MARK3: variants seen among roughly 807,000 people sequenced by gnomAD.
The protein encoded by MARK3 is MAP/microtubule affinity-regulating kinase 3.
A neutral mutation model predicts 90.1 loss-of-function variants in MARK3; 46 were observed. The observed-to-expected ratio is 0.51, with a 90% CI of 0.40 to 0.65. The LOEUF is 0.65. Among genes scored for constraint, MARK3 ranks in the 30% least tolerant of loss-of-function variants. The pLI, the probability that MARK3 is intolerant of heterozygous loss-of-function variation, is 0.00. For synonymous variants in MARK3, 321 were observed against 332.6 expected, an observed-to-expected ratio of 0.97 and a Z score of 0.38; for missense variants, 818 against 947.2, an observed-to-expected ratio of 0.86 and a Z score of 1.79.
At chr14:103,412,349 T>C (rs2091692082) in intron 2 of MARK3, 1 of 631,884 alleles carries the variant, frequency 1.6e-6, no homozygotes, top group Non-Finnish European at 2.8e-6. Flanking sequence ...CGTGTTTTCA[T>C]CGTGTGTGAG....
chr14:103,414,493 C>T (rs2091847721), intron 2 of MARK3, among the ~76,000 whole-genome samples: 1 of 137,616 alleles, frequency 7.3e-6, no homozygotes, highest in African/African-American at 2.5e-5. Flanking sequence ...GCATGAGCCA[C>T]CACACCCAGC....
At chr14:103,413,824 T>G (rs533084781) in intron 2 of MARK3, among the ~76,000 whole-genome samples, 72 of 152,228 alleles carry the variant, frequency 4.7e-4, no homozygotes, top group African/African-American at 1.5e-3. Context: ...TGAAACTGGC[T>G]TCTTCTCACT....
At chr14:103,480,266 C>T (rs2093797230) in intron 13 of MARK3, 121 bp from the exon 14 acceptor site, 1 of 654,408 alleles carries the variant, frequency 1.5e-6, no homozygotes. Context: ...CAGAGTAAGA[C>T]CTTGCCTCAA....
At chr14:103,496,923 T>C (rs1231331766) in intron 15 of MARK3, among the ~76,000 whole-genome samples, 1 of 151,936 alleles carries the variant, frequency 6.6e-6, no homozygotes, top group Non-Finnish European at 1.5e-5. Flanking sequence ...ATGCCTGTAG[T>C]CCCAGCTACT....
In MARK3 at chr14:103,484,043, C is replaced by G. The variant is rs2093875370; in HGVS notation, c.1586+3553C>G. On this transcript the variant is annotated intron_variant, in intron 14 of 17. Coordinates refer to ENST00000429436, the MANE Select transcript of MARK3 (RefSeq NM_001128918.3). ...TGCTAAACCACCTACATAGCAGAGA[C>G]ACTCTGCTCCTACGATTTCATATGC... Among the ~76,000 whole-genome samples, 11 of 152,304 alleles carry G rather than the reference C, an allele frequency of 7.2e-5. No homozygotes were observed. In the South Asian group the frequency reaches 2.3e-3, roughly 32 times the overall value.
chr14:103,485,881 A>G (rs1287995501), intron 14 of MARK3, among the ~76,000 whole-genome samples: 1 of 152,174 alleles, frequency 6.6e-6, no homozygotes, highest in African/African-American at 2.4e-5. Context: ...ATAAAAATAT[A>G]TATATTTTTT....
intron 3 of MARK3, among the ~76,000 whole-genome samples, chr14:103,446,471 G>A (rs1417468707): frequency 3.3e-5 from 5 of 152,038 alleles, no homozygotes; most frequent in African/African-American, 9.7e-5. Flanking sequence ...GCAGTGAGCC[G>A]ATATTGTGCC....
chr14:103,457,090 AT>A, intron 5 of MARK3, 51 bp from the exon 6 acceptor site: 1 of 1,121,096 alleles, frequency 8.9e-7, no homozygotes, highest in Admixed American at 2.0e-5. Context: ...TTATGGGAAA[AT>A]TAATACTCAG....
intron 2 of MARK3, among the ~76,000 whole-genome samples, chr14:103,419,728 G>GT (rs1274533750): frequency 6.6e-6 from 1 of 152,152 alleles, no homozygotes; most frequent in Non-Finnish European, 1.5e-5. Flanking sequence ...TTTCTTGGGG[G>GT]TGGGTAGACA....
chr14:103,449,764 C>A (rs1024777158), intron 4 of MARK3, among the ~76,000 whole-genome samples: 2 of 152,116 alleles, frequency 1.3e-5, no homozygotes, highest in Non-Finnish European at 2.9e-5. Flanking sequence ...TGTAATAGGG[C>A]TTTTAAAAAA....
intron 3 of MARK3, among the ~76,000 whole-genome samples, chr14:103,432,338 A>G (rs1430765707): frequency 6.6e-6 from 1 of 152,200 alleles, no homozygotes; most frequent in African/African-American, 2.4e-5. Flanking sequence ...AATATATGCA[A>G]AATACCCAGT....
intron 15 of MARK3, among the ~76,000 whole-genome samples, chr14:103,497,612 T>C (rs1297467712): frequency 6.6e-6 from 1 of 152,242 alleles, no homozygotes; most frequent in Non-Finnish European, 1.5e-5. Context: ...GACACTTAGT[T>C]TTTATTCATT....
At chr14:103,419,958 T>A (rs1322067552) in intron 2 of MARK3, among the ~76,000 whole-genome samples, 1 of 151,448 alleles carries the variant, frequency 6.6e-6, no homozygotes, top group Non-Finnish European at 1.5e-5. Context: ...GAATAGCCAC[T>A]GCCTGGGGAA....
At chr14:103,398,412 T>G (rs1284414465) in intron 1 of MARK3, among the ~76,000 whole-genome samples, 1 of 152,246 alleles carries the variant, frequency 6.6e-6, no homozygotes, top group African/African-American at 2.4e-5. Context: ...TATTTCTCTC[T>G]GATTTTTAGA....
At chr14:103,498,380 T>A in intron 15 of MARK3, 122 bp from the exon 16 acceptor site, 1 of 612,348 alleles carries the variant, frequency 1.6e-6, no homozygotes, top group Non-Finnish European at 2.5e-6. Flanking sequence ...CTTTGTTCAT[T>A]GGCCAGAGAA....
chr14:103,418,835 A>G (rs1420109491), intron 2 of MARK3, among the ~76,000 whole-genome samples: 1 of 152,068 alleles, frequency 6.6e-6, no homozygotes, highest in Non-Finnish European at 1.5e-5. Flanking sequence ...CATATTTTTG[A>G]TTATAATTTT....
chr14:103,415,175 A>AAAAAT (rs2091890584), intron 2 of MARK3, among the ~76,000 whole-genome samples: 1 of 150,106 alleles, frequency 6.7e-6, no homozygotes, highest in South Asian at 2.1e-4. Flanking sequence ...AAAAAAAAAA[A>AAAAAT]GATACTCATG....
At chr14:103,475,622 G>A (rs1269777377) in intron 13 of MARK3, among the ~76,000 whole-genome samples, 1 of 152,066 alleles carries the variant, frequency 6.6e-6, no homozygotes, top group African/African-American at 2.4e-5. Flanking sequence ...GGGACAGAAG[G>A]GGTGAACTCA....
intron 2 of MARK3, among the ~76,000 whole-genome samples, chr14:103,420,525 C>G (rs1482413709): frequency 6.6e-6 from 1 of 152,200 alleles, no homozygotes; most frequent in African/African-American, 2.4e-5. Context: ...GCCACCACAC[C>G]TGGCCAACAC....
Sources: allele counts gnomAD v4.1 joint callset (sites outside exome capture counted in the v4.1 genomes callset), GRCh38; gene constraint gnomAD v4.1.1; transcripts MANE v1.5; gene names NCBI Gene and HGNC (gene_info 2026-07-23, HGNC 2026-07-21).